The following TRHDE variants were observed in gnomAD, a reference collection of about 807,000 sequenced individuals.
TRHDE encodes the protein thyrotropin-releasing hormone-degrading ectoenzyme.
TRHDE carries 72 observed loss-of-function variants against 125.7 expected under a neutral mutation model. That is an observed-to-expected ratio of 0.57 (90% CI 0.47 to 0.70). The LOEUF (loss-of-function observed/expected upper bound fraction) is 0.70. TRHDE is among the 30% of genes least tolerant of loss of function. The pLI is 0.00. For synonymous variants in TRHDE, 509 were observed against 509.1 expected (o/e 1.00, Z 0.00); for missense variants, 1,110 against 1,327.1 (o/e 0.84, Z 2.54).
Position 72,535,260 on chromosome 12 carries a change from C to A in TRHDE, c.1723-7031C>A, listed in dbSNP as rs1369463377. ...ATGTTCTAATTGTAGATACTTAGATCATCTCACATGCCTAAGTACATGACA... is the reference window on the plus strand; with the variant it reads ...ATGTTCTAATTGTAGATACTTAGATAATCTCACATGCCTAAGTACATGACA... On this transcript the variant is annotated intron_variant, in intron 6 of 18. Coordinates refer to ENST00000261180, the MANE Select transcript of TRHDE (RefSeq NM_013381.3). 2.6e-5 allele frequency among the ~76,000 whole-genome samples: 4 copies of A among 152,078 alleles called. No individual in the cohort carries two copies. In the East Asian group the frequency reaches 7.7e-4, roughly 29 times the overall value.
At chr12:72,127,449 A>G (rs113007549) in intron 2 of TRHDE, among the ~76,000 whole-genome samples, 47 of 152,358 alleles carry the variant, frequency 3.1e-4, no homozygotes, top group African/African-American at 5.3e-4. Flanking sequence ...GTGCCCATCA[A>G]TGGTGGATTG....
rs1439149120 is a variant in TRHDE, at chr12:72,251,138, C to G, written n.280-126857C>G. ...ATCCATTTACCTTATTCAGATTTTA[C>G]CGGTTTTACATGCATTCATTTGAGT... On this transcript the variant is annotated intron_variant and non_coding_transcript_variant, in intron 2 of 4. Coordinates refer to the TRHDE transcript ENST00000548156. Among the ~76,000 whole-genome samples, 6 of 151,750 alleles carry G rather than the reference C, an allele frequency of 4.0e-5. No homozygotes were observed. In the East Asian group the frequency reaches 1.2e-3, roughly 29 times the overall value.
At chr12:72,519,158 C>T (rs576101795) in intron 6 of TRHDE, among the ~76,000 whole-genome samples, 110 of 151,978 alleles carry the variant, frequency 7.2e-4, no homozygotes, top group Non-Finnish European at 1.2e-3. Context: ...ATCTTTGTGG[C>T]GTTCTCTGTA....
At chr12:72,216,874 C>T (rs1232254515) in intron 2 of TRHDE, among the ~76,000 whole-genome samples, 1 of 151,654 alleles carries the variant, frequency 6.6e-6, no homozygotes, top group African/African-American at 2.4e-5. Context: ...CTTCGAATTT[C>T]GTTTTAATGG....
intron 2 of TRHDE, among the ~76,000 whole-genome samples, chr12:72,342,871 CATG>C (rs1428516379): frequency 6.6e-6 from 1 of 152,042 alleles, no homozygotes; most frequent in East Asian, 1.9e-4. Context: ...ATTTAGTTTT[CATG>C]ATAACGCTAA....
intron 2 of TRHDE, among the ~76,000 whole-genome samples, chr12:72,217,145 A>G (rs920217761): frequency 3.9e-5 from 6 of 152,176 alleles, no homozygotes; most frequent in Non-Finnish European, 7.4e-5. Context: ...TCTTAAAAAA[A>G]GAAGAGCAGA....
At chr12:72,519,926 AGGGGGTGCCTCCCAGTGAGGCTGTTT>A (rs1879094411) in intron 6 of TRHDE, among the ~76,000 whole-genome samples, 3 of 151,846 alleles carry the variant, frequency 2.0e-5, no homozygotes. Flanking sequence ...GTCTGCTGCT[AGGGGGTGCCTCCCAGTGAGGCTGTTT>A]GGGGGTCAGG....
chr12:72,307,900 A>G (rs778319156), intron 2 of TRHDE, among the ~76,000 whole-genome samples: 8 of 152,170 alleles, frequency 5.3e-5, no homozygotes, highest in Non-Finnish European at 1.2e-4. Flanking sequence ...CAGCTAACAC[A>G]TTTTATGTGC....
In TRHDE at chr12:72,533,992, T is replaced by G. The variant is rs141266190; in HGVS notation, c.1723-8299T>G. ...ACATACGGCCTCAGTGAAAGATATA[T>G]GCTGAATTTCATGGCAGAGGAGATT... is the stretch of plus-strand genomic sequence containing the variant. On this transcript the variant is annotated intron_variant, in intron 6 of 18. Coordinates refer to ENST00000261180, the MANE Select transcript of TRHDE (RefSeq NM_013381.3). Among the ~76,000 whole-genome samples the G allele has an allele frequency of 2.2e-3, 339 of 152,272 alleles. 2 individuals are homozygous for G. Among genetic ancestry groups the G allele is most frequent in the African/African-American group, 7.6e-3 (317 of 41,570 alleles).
At chr12:72,480,472 A>G (rs192276865) in intron 5 of TRHDE, among the ~76,000 whole-genome samples, 5 of 152,294 alleles carry the variant, frequency 3.3e-5, no homozygotes, top group East Asian at 1.9e-4. Flanking sequence ...GCTCAGAAAG[A>G]TGGTTTCAGG....
At chr12:72,155,405 C>T (rs916860043) in intron 2 of TRHDE, among the ~76,000 whole-genome samples, 2 of 152,196 alleles carry the variant, frequency 1.3e-5, no homozygotes, top group Admixed American at 1.3e-4. Context: ...ATCAGTCATT[C>T]TCCATCCTGC....
rs558545405 is a variant in TRHDE, at chr12:72,441,779, A to G, written c.1316-27979A>G. Among the ~76,000 whole-genome samples the G allele has an allele frequency of 3.9e-5, 6 of 152,020 alleles. 1 individual carries two copies. In the South Asian group the frequency reaches 1.2e-3, roughly 32 times the overall value. On this transcript the variant is annotated intron_variant, in intron 3 of 18. Coordinates refer to ENST00000261180, the MANE Select transcript of TRHDE (RefSeq NM_013381.3). Reference sequence around the variant, plus strand: ...ATGATTTCAAAATCCAAAGATAAACAAGATAATAAAGCAAATGCTAGTAAG... The same window carrying G: ...ATGATTTCAAAATCCAAAGATAAACGAGATAATAAAGCAAATGCTAGTAAG...
intron 2 of TRHDE, among the ~76,000 whole-genome samples, chr12:72,318,611 G>A (rs574169035): frequency 2.0e-5 from 3 of 152,150 alleles, no homozygotes; most frequent in African/African-American, 7.2e-5. Context: ...CCAGGTGTTA[G>A]AAGCTTCTCT....
intron 2 of TRHDE, among the ~76,000 whole-genome samples, chr12:72,358,029 A>G (rs1870899106): frequency 6.6e-6 from 1 of 151,650 alleles, no homozygotes; most frequent in African/African-American, 2.4e-5. Context: ...AATTAATGAA[A>G]AATAAGAACA....
chr12:72,340,078 C>G (rs566606448), intron 2 of TRHDE, among the ~76,000 whole-genome samples: 1 of 152,174 alleles, frequency 6.6e-6, no homozygotes, highest in South Asian at 2.1e-4. Flanking sequence ...CCTACCTTCC[C>G]CACTTCCTTA....
chr12:72,275,205 A>G (rs1277883125), intron 1 of TRHDE, among the ~76,000 whole-genome samples: 1 of 152,234 alleles, frequency 6.6e-6, no homozygotes, highest in Non-Finnish European at 1.5e-5. Flanking sequence ...GACAGAGCTT[A>G]TGGTGTTTGG....
At chr12:72,208,861 C>T (rs980127300) in intron 2 of TRHDE, among the ~76,000 whole-genome samples, 8 of 152,096 alleles carry the variant, frequency 5.3e-5, no homozygotes, top group Non-Finnish European at 1.0e-4. Flanking sequence ...TTTCTGAATC[C>T]GGAGACAGTT....
intron 2 of TRHDE, among the ~76,000 whole-genome samples, chr12:72,109,862 G>A (rs562903353): frequency 1.3e-4 from 20 of 152,040 alleles, no homozygotes; most frequent in Non-Finnish European, 1.8e-4. Context: ...TGAAAATTGG[G>A]CTTTACTTAG....
At chr12:72,245,770 C>A (rs1243221537) in intron 2 of TRHDE, among the ~76,000 whole-genome samples, 1 of 151,690 alleles carries the variant, frequency 6.6e-6, no homozygotes, top group South Asian at 2.1e-4. Flanking sequence ...TATATACACA[C>A]ACATATATAT....
Sources: allele counts gnomAD v4.1 joint callset (sites outside exome capture counted in the v4.1 genomes callset), GRCh38; gene constraint gnomAD v4.1.1; transcripts MANE v1.5; gene names NCBI Gene and HGNC (gene_info 2026-07-23, HGNC 2026-07-21).